FRAS1: variants seen among roughly 807,000 people sequenced by gnomAD.
FRAS1 encodes Fraser extracellular matrix complex subunit 1.
In FRAS1, 290 loss-of-function variants were observed where a neutral mutation model predicts 435.2. That is an observed-to-expected ratio of 0.67 (90% confidence interval 0.61 to 0.73). FRAS1 has a LOEUF of 0.73. FRAS1 is among the 30% of genes least tolerant of loss of function. The probability of loss-of-function intolerance (pLI) is 0.00; values close to 1 mark genes in which losing one functional copy is unlikely to be tolerated. For synonymous variants in FRAS1, 1,800 were observed against 1,851.0 expected (o/e 0.97, Z 0.71); for missense variants, 4,860 against 5,001.5 (o/e 0.97, Z 0.85).
intron 31 of FRAS1, among the ~76,000 whole-genome samples, chr4:78,410,808 A>C (rs940604187): frequency 3.9e-5 from 6 of 152,244 alleles, no homozygotes; most frequent in African/African-American, 1.4e-4. Context: ...CATTTTGAAC[A>C]CTGACAGCAT....
At chr4:78,307,480 G>T (rs953497061) in intron 14 of FRAS1, among the ~76,000 whole-genome samples, 13 of 152,188 alleles carry the variant, frequency 8.5e-5, no homozygotes, top group African/African-American at 3.1e-4. Flanking sequence ...CCGCCTTGCA[G>T]TTTGATCTCA....
intron 58 of FRAS1, among the ~76,000 whole-genome samples, chr4:78,488,499 A>C (rs1032462774): frequency 6.6e-6 from 1 of 152,200 alleles, no homozygotes; most frequent in Admixed American, 6.5e-5. Flanking sequence ...GAGGACAGTG[A>C]AGTCTTTTGA....
chr4:78,340,782 G>A (rs185617512), intron 20 of FRAS1, among the ~76,000 whole-genome samples: 72 of 152,274 alleles, frequency 4.7e-4, no homozygotes, highest in African/African-American at 1.7e-3. Flanking sequence ...GTAGATGGTG[G>A]CCCTCTTGCT....
At chr4:78,381,182 G>C (rs1362222554) in intron 27 of FRAS1, among the ~76,000 whole-genome samples, 1 of 152,124 alleles carries the variant, frequency 6.6e-6, no homozygotes, top group Non-Finnish European at 1.5e-5. Context: ...TTCCATCCTC[G>C]AAGGACAAAA....
At chr4:78,385,652 G>GA (rs1732189386) in intron 28 of FRAS1, among the ~76,000 whole-genome samples, 1 of 152,120 alleles carries the variant, frequency 6.6e-6, no homozygotes, top group South Asian at 2.1e-4. Flanking sequence ...TTGGGAGGCT[G>GA]AAATGCATGG....
intron 47 of FRAS1, among the ~76,000 whole-genome samples, chr4:78,452,906 G>A (rs1719070334): frequency 6.6e-6 from 1 of 152,194 alleles, no homozygotes; most frequent in Non-Finnish European, 1.5e-5. Flanking sequence ...TGGTGTTGTA[G>A]GAGTTTAAAA....
At chr4:78,180,743 G>T (rs1210026807) in intron 2 of FRAS1, 10 of 786,236 alleles carry the variant, frequency 1.3e-5, no homozygotes, top group Non-Finnish European at 1.9e-5. Context: ...TCAGTCTTTA[G>T]GTGTGAATGG....
At chr4:78,206,748 G>A (rs188114926) in intron 2 of FRAS1, among the ~76,000 whole-genome samples, 56 of 152,258 alleles carry the variant, frequency 3.7e-4, no homozygotes, top group African/African-American at 1.2e-3. Context: ...GGGGGCCTGG[G>A]GAAATTTTAG....
chr4:78,540,563 C>T lies in FRAS1; in HGVS notation c.11478C>T (p.Val3826=), dbSNP rs112907148. 2.0e-5 allele frequency: 31 copies of T among 1,513,122 alleles called. No homozygotes were observed. In the African/African-American group the frequency reaches 3.5e-4, roughly 17 times the overall value. 93.7% of individuals were successfully genotyped at this position (1,513,122 alleles called of 1,614,324 possible). A position where few individuals can be genotyped will look rare whatever the true frequency, so the allele number is the denominator to read the frequency against. The change falls in exon 74 of 74, where the codon GTC becomes GTT. Residue 3826 remains valine, a synonymous_variant. Transcript: ENST00000512123. The part of the protein sequence containing the change: ...VEAGHQWYLQ[V]IYIIGPDTIS... ...CAGGACACCAGTGGTATCTCCAGGT[C>T]ATCTACATCATTGGCCCTGACACCA...
intron 2 of FRAS1, among the ~76,000 whole-genome samples, chr4:78,223,389 G>A (rs572289614): frequency 3.3e-5 from 5 of 152,220 alleles, no homozygotes; most frequent in Admixed American, 6.5e-5. Context: ...TATGAATGAG[G>A]AAAGGTTTAC....
At position 78,496,921 on chromosome 4, in the gene FRAS1, G is replaced by C; in HGVS notation, c.9075G>C (p.Lys3025Asn). The C allele has an allele frequency of 1.2e-6, 2 of 1,613,664 alleles. No individual in the cohort carries two copies. The highest frequency in any genetic ancestry group is 2.2e-5 in the South Asian group (2 of 91,064). Residue 3025 changes from lysine to asparagine, a missense_variant, in exon 60 of 74, where the codon AAG (lysine) becomes AAC (asparagine). Physicochemically the swap from Lys to Asn is moderately conservative, Grantham distance 94. Coordinates refer to ENST00000512123, the MANE Select transcript of FRAS1 (RefSeq NM_025074.7). The part of the protein sequence containing the change: ...GNHWSGARIG[K>N]NNMATITISN... ...ACTGGAGTGGAGCTAGAATTGGAAA[G>C]AATAACATGGCCACCATCACCATAT...
At chr4:78,467,133 T>A (rs1243555219) in intron 50 of FRAS1, among the ~76,000 whole-genome samples, 1 of 152,224 alleles carries the variant, frequency 6.6e-6, no homozygotes, top group African/African-American at 2.4e-5. Context: ...TAAATTATTT[T>A]TGACATTAGT....
At chr4:78,171,680 G>A (rs912645553) in intron 2 of FRAS1, among the ~76,000 whole-genome samples, 2 of 152,058 alleles carry the variant, frequency 1.3e-5, no homozygotes, top group Admixed American at 6.5e-5. Context: ...TGTGAGTGTC[G>A]CCTCCTGGCT....
At chr4:78,261,253 G>A (rs1222676655) in intron 6 of FRAS1, among the ~76,000 whole-genome samples, 3 of 151,752 alleles carry the variant, frequency 2.0e-5, no homozygotes, top group South Asian at 2.1e-4. Context: ...ATTGCTTCCT[G>A]CTTCTGTTTG....
intron 14 of FRAS1, among the ~76,000 whole-genome samples, chr4:78,289,988 G>A (rs1043934465): frequency 3.9e-5 from 6 of 152,104 alleles, no homozygotes; most frequent in East Asian, 3.9e-4. Flanking sequence ...GGTGGAACTC[G>A]CCAGGTCCTG....
chr4:78,103,470 A>G (rs1742234093), intron 2 of FRAS1, among the ~76,000 whole-genome samples: 1 of 152,054 alleles, frequency 6.6e-6, no homozygotes, highest in African/African-American at 2.4e-5. Context: ...TGGGGAGAGA[A>G]TAGAGAGGTG....
intron 58 of FRAS1, among the ~76,000 whole-genome samples, chr4:78,487,888 A>T (rs1174113565): frequency 6.6e-6 from 1 of 152,202 alleles, no homozygotes; most frequent in Non-Finnish European, 1.5e-5. Flanking sequence ...AGAAGGGCTG[A>T]GATGGAAATT....
intron 50 of FRAS1, among the ~76,000 whole-genome samples, chr4:78,469,507 C>T (rs1260596718): frequency 6.6e-6 from 1 of 152,114 alleles, no homozygotes; most frequent in Non-Finnish European, 1.5e-5. Context: ...AATATCTTCC[C>T]ATGAAAACCT....
chr4:78,534,758 A>C, intron 71 of FRAS1, 143 bp downstream of exon 71: 1 of 706,946 alleles, frequency 1.4e-6, no homozygotes, highest in Non-Finnish European at 2.3e-6. Flanking sequence ...CAGGACAGCC[A>C]GGACTGAATC....
Sources: gnomAD v4.1 joint callset for allele counts (sites outside exome capture counted in the v4.1 genomes callset) on GRCh38, gnomAD v4.1.1 for gene constraint, MANE v1.5 for transcripts, NCBI Gene and HGNC (gene_info 2026-07-23, HGNC 2026-07-21) for gene names.